The following KIAA1328 variants were observed in gnomAD, a reference collection of about 807,000 sequenced individuals.
The protein encoded by KIAA1328 is KIAA1328.
In KIAA1328, 52 loss-of-function variants were observed where a neutral mutation model predicts 68.1. The ratio of observed to expected loss-of-function variants is 0.76; its 90% CI spans 0.61 to 0.96. KIAA1328 has a LOEUF of 0.96. Ranked by LOEUF, KIAA1328 falls within the 40% of genes least tolerant of loss-of-function variation. KIAA1328 has a pLI of 0.00. For missense variants in KIAA1328, 641 were observed against 677.6 expected, an observed-to-expected ratio of 0.95 and a Z score of 0.60; for synonymous variants, 232 against 239.4, an observed-to-expected ratio of 0.97 and a Z score of 0.28.
chr18:37,133,683 G>A (rs148945162), intron 7 of KIAA1328, among the ~76,000 whole-genome samples: 1,996 of 151,526 alleles, frequency 0.013, 29 homozygotes, highest in Non-Finnish European at 0.02. Flanking sequence ...CTGCCACAAT[G>A]CCTGGCTAAT....
At chr18:36,905,081 ATATTTATT>A (rs55910118) in intron 5 of KIAA1328, among the ~76,000 whole-genome samples, 81,801 of 142,220 alleles carry the variant, frequency 0.58, 23,916 homozygotes, top group East Asian at 0.73. Context: ...TTGTAAGGAG[ATATTTATT>A]TATTTATTTA....
Position 37,033,914 on chromosome 18 carries a change from G to C in KIAA1328, c.577-32976G>C, listed in dbSNP as rs2054929415. Among the ~76,000 whole-genome samples the C allele has an allele frequency of 3.3e-5, 5 of 152,264 alleles. No homozygotes were observed. The South Asian group carries it at 1.0e-3, about 32-fold the overall frequency. On this transcript the variant is annotated intron_variant, in intron 6 of 9. Transcript: ENST00000280020. Reference sequence around the variant, plus strand: ...CTTTCAGGGATCATATACATACAGTGCCTGAATAGCTGAACGTATAAAATG... The same window carrying C: ...CTTTCAGGGATCATATACATACAGTCCCTGAATAGCTGAACGTATAAAATG...
intron 6 of KIAA1328, among the ~76,000 whole-genome samples, chr18:36,960,598 G>A (rs1179321122): frequency 2.0e-5 from 3 of 152,166 alleles, no homozygotes; most frequent in African/African-American, 4.8e-5. Flanking sequence ...CCTCTGGGAC[G>A]AAGCTTCCAG....
chr18:36,958,627 G>A (rs1355952722), intron 5 of KIAA1328, among the ~76,000 whole-genome samples: 1 of 152,056 alleles, frequency 6.6e-6, no homozygotes, highest in Admixed American at 6.5e-5. Flanking sequence ...TTGGCCATTT[G>A]CATATTTTGT....
chr18:37,137,730 A>G (rs550030047), intron 7 of KIAA1328, among the ~76,000 whole-genome samples: 1 of 151,656 alleles, frequency 6.6e-6, no homozygotes, highest in South Asian at 2.1e-4. Flanking sequence ...TTAAATATTG[A>G]CAGTTTCATC....
intron 5 of KIAA1328, among the ~76,000 whole-genome samples, chr18:36,909,919 C>T (rs1368356443): frequency 1.3e-5 from 2 of 152,178 alleles, no homozygotes; most frequent in Non-Finnish European, 2.9e-5. Context: ...CTGTTGGCTG[C>T]ATAAATGTCT....
chr18:36,830,989 A>G (rs1243750079), intron 1 of KIAA1328, among the ~76,000 whole-genome samples: 1 of 152,226 alleles, frequency 6.6e-6, no homozygotes, highest in African/African-American at 2.4e-5. Flanking sequence ...AGCAATGTCA[A>G]ATGTAAATTT....
intron 6 of KIAA1328, among the ~76,000 whole-genome samples, chr18:36,966,343 T>G (rs1377550253): frequency 1.3e-5 from 2 of 152,344 alleles, no homozygotes; most frequent in South Asian, 2.1e-4. Flanking sequence ...TCAATAAAGA[T>G]GTGTATTTCC....
At chr18:36,971,153 T>C (rs1218325840) in intron 6 of KIAA1328, among the ~76,000 whole-genome samples, 3 of 152,178 alleles carry the variant, frequency 2.0e-5, no homozygotes, top group African/African-American at 7.2e-5. Context: ...ACCACACATC[T>C]ACAACCATCT....
At chr18:37,026,063 T>C (rs865861569) in intron 6 of KIAA1328, among the ~76,000 whole-genome samples, 2 of 151,984 alleles carry the variant, frequency 1.3e-5, no homozygotes, top group Non-Finnish European at 2.9e-5. Flanking sequence ...CCCACAGAAA[T>C]ACAAACTGCC....
intron 7 of KIAA1328, among the ~76,000 whole-genome samples, chr18:37,091,764 A>G (rs1383448310): frequency 6.6e-6 from 1 of 152,196 alleles, no homozygotes; most frequent in Non-Finnish European, 1.5e-5. Flanking sequence ...TGGACCCAGT[A>G]GTGAAGCCAG....
At chr18:37,146,650 T>C (rs1401092685) in intron 7 of KIAA1328, among the ~76,000 whole-genome samples, 1 of 152,198 alleles carries the variant, frequency 6.6e-6, no homozygotes, top group African/African-American at 2.4e-5. Flanking sequence ...TCCTTCAGGA[T>C]AATTCCTCTA....
At chr18:37,227,218 C>T (rs982422174), downstream of KIAA1328, among the ~76,000 whole-genome samples, 24 of 152,148 alleles carry the variant, frequency 1.6e-4, no homozygotes, top group African/African-American at 5.6e-4. Context: ...GAGACCATCT[C>T]CATAATGTAA....
intron 6 of KIAA1328, among the ~76,000 whole-genome samples, chr18:36,960,427 C>T (rs1050748369): frequency 2.0e-5 from 3 of 152,212 alleles, no homozygotes; most frequent in African/African-American, 7.2e-5. Flanking sequence ...TTAAACATCC[C>T]TGTCTGACAG....
intron 9 of KIAA1328, among the ~76,000 whole-genome samples, chr18:37,198,720 C>T (rs1298242802): frequency 6.6e-6 from 1 of 152,114 alleles, no homozygotes; most frequent in Non-Finnish European, 1.5e-5. Context: ...TGATGAGTGC[C>T]AAAATGAAAG....
chr18:36,907,227 C>T (rs941324931), intron 5 of KIAA1328, among the ~76,000 whole-genome samples: 1 of 151,886 alleles, frequency 6.6e-6, no homozygotes, highest in Non-Finnish European at 1.5e-5. Flanking sequence ...ATTGTGTTAT[C>T]TGTAAATAAG....
At chr18:37,062,533 G>A (rs2056190896) in intron 6 of KIAA1328, among the ~76,000 whole-genome samples, 1 of 151,110 alleles carries the variant, frequency 6.6e-6, no homozygotes. Flanking sequence ...TTGTTTCACT[G>A]CAAGCTCCGC....
intron 4 of KIAA1328, among the ~76,000 whole-genome samples, chr18:36,883,531 C>G (rs1014536580): frequency 1.3e-5 from 2 of 152,188 alleles, no homozygotes; most frequent in African/African-American, 4.8e-5. Flanking sequence ...GGAACAAGAC[C>G]TCCTTGCATT....
chr18:37,060,314 T>C (rs1308465189), intron 6 of KIAA1328, among the ~76,000 whole-genome samples: 1 of 152,162 alleles, frequency 6.6e-6, no homozygotes, highest in African/African-American at 2.4e-5. Context: ...AACACTTATT[T>C]TGAATTATTT....
Sources: allele counts gnomAD v4.1 joint callset (sites outside exome capture counted in the v4.1 genomes callset), GRCh38; gene constraint gnomAD v4.1.1; transcripts MANE v1.5; gene names NCBI Gene and HGNC (gene_info 2026-07-23, HGNC 2026-07-21).